Variants in FREM2 observed in about 807,000 individuals in gnomAD.
FREM2 encodes FRAS1-related extracellular matrix protein 2.
In FREM2, 119 loss-of-function variants were observed where a neutral mutation model predicts 219.9. The ratio of observed to expected loss-of-function variants is 0.54; its 90% CI spans 0.47 to 0.63. The LOEUF (loss-of-function observed/expected upper bound fraction) is 0.63, where lower values mean the gene tolerates loss of function less well. FREM2 is among the 30% of genes least tolerant of loss of function. The pLI, the probability that FREM2 is intolerant of heterozygous loss-of-function variation, is 0.00. For missense variants in FREM2, 4,030 were observed against 3,993.6 expected, an observed-to-expected ratio of 1.01 and a Z score of -0.25; for synonymous variants, 1,562 against 1,522.8, an observed-to-expected ratio of 1.03 and a Z score of -0.60.
chr13:38,783,873 G>A (rs1266008024), intron 5 of FREM2, among the ~76,000 whole-genome samples: 1 of 152,200 alleles, frequency 6.6e-6, no homozygotes, highest in African/African-American at 2.4e-5. Flanking sequence ...GAGGCGGGTG[G>A]ATCACGAGAT....
Position 38,689,150 on chromosome 13 carries a change from AC to A in FREM2, c.1809del (p.Phe604SerfsTer2). ...DSLLLFVLESPFLTTGHLLLR... is the reference protein window; with the variant it reads ...DSLLLFVLESXFLTTGHLLLR... Reference sequence around the variant, plus strand: ...CTCTGCTGCTTTTTGTGCTGGAGTCACCCTTCTTAACTACGGGGCATCTGCT... The same window carrying A: ...CTCTGCTGCTTTTTGTGCTGGAGTCACCTTCTTAACTACGGGGCATCTGCT... On this transcript the variant is annotated frameshift_variant, in exon 1 of 24. Transcript: ENST00000280481. LOFTEE classifies it high-confidence loss of function. 6.2e-7 allele frequency: 1 copy of A among 1,613,704 alleles called. No homozygotes were observed. The highest frequency in any genetic ancestry group is 8.5e-7 in the Non-Finnish European group (1 of 1,179,976).
At chr13:38,693,748 A>C (rs1869996824) in intron 1 of FREM2, among the ~76,000 whole-genome samples, 1 of 152,220 alleles carries the variant, frequency 6.6e-6, no homozygotes, top group Admixed American at 6.5e-5. Context: ...GGAAGTAGCA[A>C]AATGCACTGT....
At chr13:38,778,068 T>C (rs1873948529) in intron 4 of FREM2, among the ~76,000 whole-genome samples, 2 of 152,258 alleles carry the variant, frequency 1.3e-5, no homozygotes, top group African/African-American at 2.4e-5. Flanking sequence ...TGCTTGAGCT[T>C]TAAATCTTTA....
In FREM2 at chr13:38,738,241, C is replaced by T. The variant is rs543160934; in HGVS notation, c.5264-26063C>T. Reference sequence around the variant, plus strand: ...GACATATGAAAATTTCAGGTGCTGGCGAGACATCTAGACAGACATGTGCAA... The same window carrying T: ...GACATATGAAAATTTCAGGTGCTGGTGAGACATCTAGACAGACATGTGCAA... On this transcript the variant is annotated intron_variant, in intron 2 of 23. Transcript: ENST00000280481. Among the ~76,000 whole-genome samples, 11 of 151,982 alleles carry T rather than the reference C, an allele frequency of 7.2e-5. No individual in the cohort carries two copies. The South Asian group carries it at 1.2e-3, about 17-fold the overall frequency.
intron 2 of FREM2, among the ~76,000 whole-genome samples, chr13:38,762,057 C>T (rs575053781): frequency 4.6e-5 from 7 of 152,244 alleles, no homozygotes; most frequent in South Asian, 2.1e-4. Context: ...CTTGGGCATG[C>T]GTGGCGTGGC....
Position 38,687,831 on chromosome 13 carries a change from G to A in FREM2, c.487G>A (p.Ala163Thr). ...LQLRYDAPGGAVVLPLVLEVE... is the reference protein window; with the variant it reads ...LQLRYDAPGGTVVLPLVLEVE... ...GCTGCGCTATGACGCGCCCGGAGGGGCAGTAGTGCTACCACTGGTACTGGA... is the reference window on the plus strand; with the variant it reads ...GCTGCGCTATGACGCGCCCGGAGGGACAGTAGTGCTACCACTGGTACTGGA... The change falls in exon 1 of 24, where the codon GCA (alanine) becomes ACA (threonine). Residue 163 changes from alanine to threonine, a missense_variant. Coordinates refer to ENST00000280481, the MANE Select transcript of FREM2 (RefSeq NM_207361.6). 6.4e-7 allele frequency: 1 copy of A among 1,552,452 alleles called. No homozygotes were observed. The highest frequency in any genetic ancestry group is 8.7e-7 in the Non-Finnish European group (1 of 1,144,698).
intron 6 of FREM2, among the ~76,000 whole-genome samples, chr13:38,843,402 GT>G (rs1438401611): frequency 1.3e-5 from 2 of 150,990 alleles, no homozygotes; most frequent in East Asian, 3.9e-4. Flanking sequence ...AAGATCTTCA[GT>G]TTACTTATTT....
chr13:38,871,079 C>G (rs1323112855), intron 16 of FREM2, among the ~76,000 whole-genome samples: 1 of 152,130 alleles, frequency 6.6e-6, no homozygotes, highest in African/African-American at 2.4e-5. Context: ...CCCATAGAAA[C>G]TACTGTCTCA....
chr13:38,697,827 A>G (rs1458029641), intron 2 of FREM2, 40 bp downstream of exon 2: 1 of 1,136,456 alleles, frequency 8.8e-7, no homozygotes, highest in Non-Finnish European at 1.3e-6. Context: ...GCAAGGAGAG[A>G]CGCTTTTCTT....
chr13:38,738,590 A>AAG lies in FREM2; in HGVS notation c.5264-25708_5264-25707dup, dbSNP rs1491256475. 1.1e-3 allele frequency among the ~76,000 whole-genome samples: 159 copies of AAG among 147,308 alleles called. 1 individual carries two copies. Among genetic ancestry groups the AAG allele is most frequent in the African/African-American group, 3.9e-3 (152 of 39,242 alleles). ...CAAAAAAAAAAAAAAAAAAAAAAAA[A>AAG]AGAGAGATAGAAAAAAAAGGAAAGG... On this transcript the variant is annotated intron_variant, in intron 2 of 23. Coordinates refer to ENST00000280481, the MANE Select transcript of FREM2 (RefSeq NM_207361.6).
At chr13:38,780,042 A>C (rs879898352) in intron 4 of FREM2, among the ~76,000 whole-genome samples, 1 of 151,920 alleles carries the variant, frequency 6.6e-6, no homozygotes, top group Non-Finnish European at 1.5e-5. Flanking sequence ...CCCCTGTGTG[A>C]TTTTATTTTG....
intron 6 of FREM2, among the ~76,000 whole-genome samples, chr13:38,813,501 TC>T (rs1190424574): frequency 2.3e-3 from 39 of 16,896 alleles, no homozygotes; most frequent in African/African-American, 8.4e-3. Context: ...TCTCTCTCTC[TC>T]TCTCTCTCTC....
chr13:38,837,785 G>GTTTT lies in FREM2; in HGVS notation c.6020-8787_6020-8784dup, dbSNP rs1333688816. 7.3e-3 allele frequency among the ~76,000 whole-genome samples: 1,011 copies of GTTTT among 138,012 alleles called. 33 individuals carry two copies. Among genetic ancestry groups the GTTTT allele is most frequent in the African/African-American group, 0.025 (970 of 38,262 alleles). 90.5% of individuals were successfully genotyped at this position (138,012 alleles called of 152,430 possible). On this transcript the variant is annotated intron_variant, in intron 6 of 23. Transcript: ENST00000280481. ...CCCTGGTTTTTTTTTGTTTTGTTTTGTTTTGTTTTTGCTTTCCATTTGCTT... is the reference window on the plus strand; with the variant it reads ...CCCTGGTTTTTTTTTGTTTTGTTTTGTTTTTTTTGTTTTTGCTTTCCATTTGCTT...
chr13:38,729,969 G>A (rs1156319722), intron 2 of FREM2, among the ~76,000 whole-genome samples: 3 of 152,214 alleles, frequency 2.0e-5, no homozygotes, highest in Non-Finnish European at 4.4e-5. Context: ...CTATGAAGTA[G>A]AGAGAGCAAT....
chr13:38,754,828 T>C (rs1475888849), intron 2 of FREM2, among the ~76,000 whole-genome samples: 2 of 151,622 alleles, frequency 1.3e-5, no homozygotes, highest in African/African-American at 2.4e-5. Flanking sequence ...CCAGTTCTGA[T>C]TGGTCAAAGC....
intron 6 of FREM2, among the ~76,000 whole-genome samples, chr13:38,839,384 T>C (rs1566161590): frequency 6.6e-6 from 1 of 152,190 alleles, no homozygotes; most frequent in Non-Finnish European, 1.5e-5. Flanking sequence ...CTCTCCAGTA[T>C]GAGGTGTCTG....
intron 6 of FREM2, among the ~76,000 whole-genome samples, chr13:38,821,215 G>T (rs1750096445): frequency 1.3e-5 from 2 of 152,024 alleles, no homozygotes; most frequent in Non-Finnish European, 2.9e-5. Context: ...TGTCTGACTG[G>T]ACATCAGATC....
At chr13:38,833,892 T>C (rs893475507) in intron 6 of FREM2, among the ~76,000 whole-genome samples, 3 of 152,180 alleles carry the variant, frequency 2.0e-5, no homozygotes, top group African/African-American at 7.2e-5. Context: ...ACCACTATGA[T>C]GTTCTGCTTC....
At position 38,784,655 on chromosome 13, in the gene FREM2, G is replaced by A; in HGVS notation, c.5866G>A (p.Glu1956Lys). ...HTSVVRFDKDEREKLCRIVII... is the reference protein window; with the variant it reads ...HTSVVRFDKDKREKLCRIVII... ...CAGTGTTGTCCGCTTTGACAAAGAT[G>A]AACGGGAGAAACTGTGTCGGATAGT... The change falls in exon 6 of 24, where the codon GAA (glutamate) becomes AAA (lysine). Residue 1956 changes from glutamate (E) to lysine (K), a missense_variant. By Grantham distance (56) the Glu-to-Lys change is moderately conservative (BLOSUM62 1). Coordinates refer to ENST00000280481, the MANE Select transcript of FREM2 (RefSeq NM_207361.6). 1.2e-6 allele frequency: 2 copies of A among 1,614,194 alleles called. No individual in the cohort carries two copies. The highest frequency in any genetic ancestry group is 2.2e-5 in the South Asian group (2 of 91,092).
Sources: allele counts gnomAD v4.1 joint callset (sites outside exome capture counted in the v4.1 genomes callset), GRCh38; gene constraint gnomAD v4.1.1; transcripts MANE v1.5; gene names NCBI Gene and HGNC (gene_info 2026-07-23, HGNC 2026-07-21).